The following OSMR variants were observed in gnomAD, a reference collection of about 807,000 sequenced individuals.
OSMR encodes oncostatin M receptor.
OSMR carries 81 observed loss-of-function variants against 99.9 expected under a neutral mutation model. That is an observed-to-expected ratio of 0.81 (90% CI 0.68 to 0.97). The LOEUF is 0.97. Among genes scored for constraint, OSMR ranks in the 50% least tolerant of loss-of-function variants. The probability of loss-of-function intolerance (pLI) is 0.00; values close to 1 mark genes in which losing one functional copy is unlikely to be tolerated. For synonymous variants in OSMR, 406 were observed against 410.4 expected, an observed-to-expected ratio of 0.99 and a Z score of 0.13; for missense variants, 1,099 against 1,153.4, an observed-to-expected ratio of 0.95 and a Z score of 0.68.
In OSMR at chr5:38,919,264, G is replaced by A. The variant is rs1484326713; in HGVS notation, c.1585+202G>A. 14 of 1,513,172 alleles carry A rather than the reference G, an allele frequency of 9.3e-6. No homozygotes were observed. The East Asian group carries it at 3.6e-4, about 39-fold the overall frequency. 93.7% of individuals were successfully genotyped at this position (1,513,172 alleles called of 1,614,324 possible). ...TCAGTGTGGGGAGAAGGAGACTTCA[G>A]CCATGGCTCAGGACATTTCTGTCCA... On this transcript the variant is annotated intron_variant, in intron 11 of 17. Transcript: ENST00000274276.
intron 1 of OSMR, among the ~76,000 whole-genome samples, chr5:38,851,846 C>T (rs184778786): frequency 2.0e-5 from 3 of 152,238 alleles, no homozygotes; most frequent in Admixed American, 6.5e-5. Flanking sequence ...ATACTGTTCT[C>T]GTGGTAGAGA....
intron 1 of OSMR, chr5:38,942,359 G>C: frequency 1.3e-6 from 2 of 1,593,708 alleles, no homozygotes; most frequent in Non-Finnish European, 8.6e-7. Flanking sequence ...TGCCAACACA[G>C]CCTCTGCTTC....
At position 38,883,975 on chromosome 5, in the gene OSMR, A is replaced by T; in HGVS notation, c.567A>T (p.Glu189Asp). Residue 189 changes from glutamate (E) to aspartate (D), a missense_variant, in exon 5 of 18, where the codon GAA becomes GAT. Glu to Asp is a conservative substitution (Grantham distance 45). Coordinates refer to ENST00000274276, the MANE Select transcript of OSMR (RefSeq NM_003999.3). ...TGGAAGGGAAACAGATTCATGGAGA[A>T]CAACTTGATCCACATGTAACTGCAT... ...CYLEGKQIHG[E>D]QLDPHVTAFN... 1 of 1,613,604 alleles carries T rather than the reference A, an allele frequency of 6.2e-7. No homozygotes were observed. Among genetic ancestry groups the T allele is most frequent in the Non-Finnish European group, 8.5e-7 (1 of 1,179,574 alleles).
chr5:38,893,911 T>G (rs1744319769), intron 7 of OSMR, among the ~76,000 whole-genome samples: 1 of 152,088 alleles, frequency 6.6e-6, no homozygotes, highest in Non-Finnish European at 1.5e-5. Context: ...GAAAAAATCT[T>G]AAATGCAACT....
intron 12 of OSMR, among the ~76,000 whole-genome samples, chr5:38,922,595 G>T: frequency 6.6e-6 from 1 of 152,096 alleles, no homozygotes; most frequent in Non-Finnish European, 1.5e-5. Flanking sequence ...GAGAACTCTT[G>T]CTTCAAAGAA....
At chr5:38,865,313 T>C (rs1307321832) in intron 1 of OSMR, among the ~76,000 whole-genome samples, 1 of 152,248 alleles carries the variant, frequency 6.6e-6, no homozygotes, top group African/African-American at 2.4e-5. Flanking sequence ...TTTTTCATGT[T>C]TCTTGTGTCC....
chr5:38,868,562 C>G (rs1742123911), intron 1 of OSMR, among the ~76,000 whole-genome samples: 2 of 152,200 alleles, frequency 1.3e-5, no homozygotes, highest in Admixed American at 1.3e-4. Flanking sequence ...GCCTCTTACT[C>G]ATTTTCTCTT....
At chr5:38,904,163 G>T (rs747571898) in intron 8 of OSMR, 139 bp downstream of exon 8, 27 of 1,528,034 alleles carry the variant, frequency 1.8e-5, no homozygotes, top group Non-Finnish European at 2.4e-5. Context: ...AAAGGTCCAT[G>T]AAATTAATCA....
At chr5:38,904,580 T>A in intron 9 of OSMR, 77 bp downstream of exon 9, 1 of 1,577,592 alleles carries the variant, frequency 6.3e-7, no homozygotes, top group Non-Finnish European at 8.7e-7. Context: ...AGATTTTGGT[T>A]GTACCAAAAA....
chr5:38,919,047 G>A lies in OSMR; in HGVS notation c.1570G>A (p.Ala524Thr), dbSNP rs1259512645. The change falls in exon 11 of 18, where the codon GCA (alanine) becomes ACA (threonine). Residue 524 changes from alanine to threonine, a missense_variant. Coordinates refer to ENST00000274276, the MANE Select transcript of OSMR (RefSeq NM_003999.3). The stretch of plus-strand genomic sequence containing the variant: ...TCCTGCTTCTGTAATAGTCATCTCT[G>A]CAGACCCCGAAAACAGTGAGTTTGT... ...ASPASVIVIS[A>T]DPENKEVEEE... 5 of 1,613,946 alleles carry A rather than the reference G, an allele frequency of 3.1e-6. No individual in the cohort carries two copies. The East Asian group carries it at 8.9e-5, about 29-fold the overall frequency.
At chr5:38,890,241 G>A (rs947648783) in intron 7 of OSMR, among the ~76,000 whole-genome samples, 9 of 152,184 alleles carry the variant, frequency 5.9e-5, no homozygotes, top group African/African-American at 9.7e-5. Context: ...TTGTAGAAGT[G>A]CAGAATCGCA....
chr5:38,885,555 A>G, intron 6 of OSMR, 71 bp downstream of exon 6: 11 of 1,571,348 alleles, frequency 7.0e-6, no homozygotes, highest in Non-Finnish European at 8.8e-6. Flanking sequence ...CATGGCAAAA[A>G]TCTACACTTA....
Position 38,933,508 on chromosome 5 carries a change from T to C in OSMR, c.*64T>C. 6.4e-7 allele frequency: 1 copy of C among 1,571,030 alleles called. No homozygotes were observed. The highest frequency in any genetic ancestry group is 1.3e-5 in the African/African-American group (1 of 74,216). ...TAAGAAGAGCAGAGCTGGCACCCTG[T>C]CATCACCAGTGGCCTTGGTCCTTAA... On this transcript the variant is annotated 3_prime_UTR_variant, in exon 18 of 18. Coordinates refer to ENST00000274276, the MANE Select transcript of OSMR (RefSeq NM_003999.3).
At chr5:38,896,603 T>C (rs975591099) in intron 7 of OSMR, among the ~76,000 whole-genome samples, 7 of 152,130 alleles carry the variant, frequency 4.6e-5, no homozygotes, top group African/African-American at 1.7e-4. Context: ...CAAGGAAAAT[T>C]TGGCTTCTTC....
chr5:38,878,457 T>C (rs1743007804), intron 3 of OSMR, among the ~76,000 whole-genome samples: 1 of 152,200 alleles, frequency 6.6e-6, no homozygotes, highest in African/African-American at 2.4e-5. Context: ...GTCTCCTGGA[T>C]GGTACTGGCC....
At chr5:38,923,590 T>A (rs985325357) in intron 13 of OSMR, among the ~76,000 whole-genome samples, 9 of 152,208 alleles carry the variant, frequency 5.9e-5, no homozygotes, top group African/African-American at 1.7e-4. Flanking sequence ...TTTCAGCTTT[T>A]AAAATTTTTT....
intron 8 of OSMR, 121 bp downstream of exon 8, chr5:38,904,145 C>A: frequency 6.5e-7 from 1 of 1,540,084 alleles, no homozygotes; most frequent in Non-Finnish European, 8.7e-7. Context: ...TGTGGGTCAT[C>A]TGTTTTAAAA....
intron 1 of OSMR, among the ~76,000 whole-genome samples, chr5:38,856,486 A>C (rs1740856379): frequency 6.6e-6 from 1 of 152,198 alleles, no homozygotes; most frequent in African/African-American, 2.4e-5. Flanking sequence ...ATGTGTAGGC[A>C]GTGACTACTG....
At chr5:38,917,784 T>G (rs1040830919) in intron 10 of OSMR, among the ~76,000 whole-genome samples, 162 bp downstream of exon 10, 1 of 152,174 alleles carries the variant, frequency 6.6e-6, no homozygotes, top group Admixed American at 6.5e-5. Flanking sequence ...GGAATCCCAC[T>G]CCACTCCTTT....
Sources: allele counts gnomAD v4.1 joint callset (sites outside exome capture counted in the v4.1 genomes callset), GRCh38; gene constraint gnomAD v4.1.1; transcripts MANE v1.5; gene names NCBI Gene and HGNC (gene_info 2026-07-23, HGNC 2026-07-21).